Variants in ALCAM observed in about 807,000 individuals in gnomAD.
ALCAM encodes the protein CD166 antigen.
A neutral mutation model predicts 70.9 loss-of-function variants in ALCAM; 30 were observed. That is an observed-to-expected ratio of 0.42 (90% CI 0.32 to 0.57). The LOEUF (loss-of-function observed/expected upper bound fraction) is 0.57, where lower values mean the gene tolerates loss of function less well. ALCAM is among the 20% of genes least tolerant of loss of function. ALCAM has a pLI of 0.11. For synonymous variants in ALCAM, 249 were observed against 242.5 expected (o/e 1.03, Z -0.25); for missense variants, 591 against 695.1 (o/e 0.85, Z 1.68).
intron 1 of ALCAM, among the ~76,000 whole-genome samples, chr3:105,480,315 A>G (rs1239905206): frequency 1.3e-5 from 2 of 152,024 alleles, no homozygotes; most frequent in East Asian, 3.9e-4. Flanking sequence ...ACGCCATTGC[A>G]CTCCAGAGCC....
At chr3:105,550,005 C>A (rs1277537905) in intron 11 of ALCAM, 122 bp from the exon 12 acceptor site, 2 of 770,670 alleles carry the variant, frequency 2.6e-6, no homozygotes, top group Non-Finnish European at 3.9e-6. Flanking sequence ...TCTTACATAG[C>A]TTTTGAACAC....
chr3:105,490,190 C>T (rs1307695364), intron 1 of ALCAM, among the ~76,000 whole-genome samples: 1 of 152,198 alleles, frequency 6.6e-6, no homozygotes, highest in Non-Finnish European at 1.5e-5. Context: ...CTTATTGAGG[C>T]ATTGCAGACA....
intron 1 of ALCAM, among the ~76,000 whole-genome samples, chr3:105,459,739 T>G (rs753476916): frequency 6.6e-6 from 1 of 152,130 alleles, no homozygotes; most frequent in Non-Finnish European, 1.5e-5. Flanking sequence ...TTGTAGTTTG[T>G]TTGAACTTCT....
chr3:105,515,066 T>C (rs918243749), intron 1 of ALCAM, among the ~76,000 whole-genome samples: 2 of 148,580 alleles, frequency 1.3e-5, no homozygotes, highest in African/African-American at 5.0e-5. Context: ...CACACACACA[T>C]GCACAAATGC....
At chr3:105,570,332 G>T (rs2152636047) in intron 14 of ALCAM, among the ~76,000 whole-genome samples, 1 of 152,124 alleles carries the variant, frequency 6.6e-6, no homozygotes, top group Admixed American at 6.5e-5. Flanking sequence ...AAGAGAAAAA[G>T]AATTATATCT....
chr3:105,457,589 G>A (rs185411719), intron 1 of ALCAM, among the ~76,000 whole-genome samples: 4 of 151,948 alleles, frequency 2.6e-5, no homozygotes, highest in South Asian at 2.1e-4. Context: ...TTAAGAAAAC[G>A]AAGAAATCAG....
chr3:105,420,731 T>C lies in ALCAM; in HGVS notation c.73+53250T>C, dbSNP rs1936628453. On this transcript the variant is annotated intron_variant, in intron 1 of 15. Coordinates refer to ENST00000306107, the MANE Select transcript of ALCAM (RefSeq NM_001627.4). The stretch of plus-strand genomic sequence containing the variant: ...CAAATAAGAACCAACTTTTCTTTGT[T>C]TCACAGAGTAGCACAGATGACAGGC... Among the ~76,000 whole-genome samples the C allele has an allele frequency of 2.0e-5, 3 of 151,604 alleles. No individual in the cohort carries two copies. The South Asian group carries it at 6.2e-4, about 31-fold the overall frequency.
At chr3:105,552,368 T>G in intron 13 of ALCAM, 100 bp from the exon 14 acceptor site, 1 of 1,357,598 alleles carries the variant, frequency 7.4e-7, no homozygotes, top group Non-Finnish European at 1.0e-6. Context: ...ATTACTGTAG[T>G]GAGCTTTAGT....
At chr3:105,407,206 A>C (rs1349055386) in intron 1 of ALCAM, among the ~76,000 whole-genome samples, 10 of 152,160 alleles carry the variant, frequency 6.6e-5, no homozygotes, top group African/African-American at 2.4e-4. Context: ...TCCTTCTGTG[A>C]AGTCACTATC....
intron 1 of ALCAM, among the ~76,000 whole-genome samples, chr3:105,494,054 T>C (rs536686393): frequency 9.0e-6 from 1 of 111,120 alleles, no homozygotes; most frequent in South Asian, 3.2e-4. Flanking sequence ...AACGTATATC[T>C]CAAAACAATT....
chr3:105,566,922 G>A (rs1359290718), intron 14 of ALCAM, among the ~76,000 whole-genome samples: 1 of 151,792 alleles, frequency 6.6e-6, no homozygotes, highest in East Asian at 1.9e-4. Context: ...TTCCTTTAAT[G>A]CTTCCTTTAG....
chr3:105,389,448 C>G (rs1423955964), intron 1 of ALCAM, among the ~76,000 whole-genome samples: 1 of 130,988 alleles, frequency 7.6e-6, no homozygotes, highest in Non-Finnish European at 1.6e-5. Flanking sequence ...AAAGGGAGGC[C>G]TGCGAATATG....
intron 1 of ALCAM, among the ~76,000 whole-genome samples, chr3:105,496,770 T>A (rs922143672): frequency 6.6e-6 from 1 of 151,928 alleles, no homozygotes; most frequent in Non-Finnish European, 1.5e-5. Context: ...CTGAAGAAAT[T>A]ACTTCTCATT....
At chr3:105,524,174 G>A (rs867152890) in intron 2 of ALCAM, 115 bp from the exon 3 acceptor site, 70 of 888,384 alleles carry the variant, frequency 7.9e-5, no homozygotes, top group African/African-American at 6.9e-4. Flanking sequence ...ATTATTCTTC[G>A]TAGACAAAAA....
chr3:105,521,993 C>G (rs932861255), intron 2 of ALCAM, among the ~76,000 whole-genome samples: 2 of 152,198 alleles, frequency 1.3e-5, no homozygotes, highest in South Asian at 4.1e-4. Context: ...ACACAATGCA[C>G]TTGTTCAATC....
intron 1 of ALCAM, among the ~76,000 whole-genome samples, chr3:105,467,679 G>A (rs898792364): frequency 6.6e-6 from 1 of 151,120 alleles, no homozygotes; most frequent in South Asian, 2.1e-4. Flanking sequence ...AGTGATTAGG[G>A]TGTGGTTTCT....
intron 1 of ALCAM, among the ~76,000 whole-genome samples, chr3:105,499,608 A>G (rs75961638): frequency 2.0e-5 from 3 of 152,194 alleles, no homozygotes; most frequent in South Asian, 2.1e-4. Context: ...GTCTTTCTAC[A>G]TACAAATTAA....
intron 6 of ALCAM, among the ~76,000 whole-genome samples, chr3:105,538,327 G>T (rs1036650838): frequency 6.6e-6 from 1 of 152,026 alleles, no homozygotes; most frequent in Non-Finnish European, 1.5e-5. Flanking sequence ...GGATAAGAGA[G>T]GGCAAAGGAG....
chr3:105,406,219 C>T lies in ALCAM; in HGVS notation c.73+38738C>T, dbSNP rs1039229401. ...GGGGTAATTACCCTTATCTTGTCTC[C>T]TGCTAAATCATGGAGGTTTGAGGAG... On this transcript the variant is annotated intron_variant, in intron 1 of 15. Coordinates refer to ENST00000306107, the MANE Select transcript of ALCAM (RefSeq NM_001627.4). 1.4e-4 allele frequency among the ~76,000 whole-genome samples: 21 copies of T among 152,126 alleles called. 1 individual carries two copies. Among genetic ancestry groups the T allele is most frequent in the African/African-American group, 5.1e-4 (21 of 41,424 alleles).
Sources: allele counts gnomAD v4.1 joint callset (sites outside exome capture counted in the v4.1 genomes callset), GRCh38; gene constraint gnomAD v4.1.1; transcripts MANE v1.5; gene names NCBI Gene and HGNC (gene_info 2026-07-23, HGNC 2026-07-21).